Variants in CNKSR3 observed in about 807,000 individuals in gnomAD.
CNKSR3 encodes the protein CNKSR family member 3.
CNKSR3 carries 36 observed loss-of-function variants against 67.7 expected under a neutral mutation model. The ratio of observed to expected loss-of-function variants is 0.53; its 90% CI spans 0.41 to 0.70. The LOEUF (loss-of-function observed/expected upper bound fraction) is 0.70. Among genes scored for constraint, CNKSR3 ranks in the 30% least tolerant of loss-of-function variants. The probability of loss-of-function intolerance (pLI) is 0.00; values close to 1 mark genes in which losing one functional copy is unlikely to be tolerated. For missense variants in CNKSR3, 630 were observed against 695.2 expected (o/e 0.91, Z 1.05); for synonymous variants, 281 against 271.4 (o/e 1.04, Z -0.35).
At position 154,414,385 on chromosome 6, in the gene CNKSR3, G is replaced by A; in HGVS notation, c.984C>T (p.Ser328=). The A allele has an allele frequency of 6.2e-7, 1 of 1,608,470 alleles. No individual in the cohort carries two copies. Among genetic ancestry groups the A allele is most frequent in the Non-Finnish European group, 8.5e-7 (1 of 1,178,344 alleles). The change falls in exon 10 of 13, where the codon AGC becomes AGT. Residue 328 remains serine (S), a synonymous_variant. Coordinates refer to ENST00000607772, the MANE Select transcript of CNKSR3 (RefSeq NM_173515.4). ...CCTTCTTCAGTGAGGTATCCATAGT[G>A]CTTTCAGGGGACTGGGTTGTCGCGG... The part of the protein sequence containing the change: ...PPPATTQSPE[S]TMDTSLKKEK...
At chr6:154,449,054 C>T (rs1785768098) in intron 2 of CNKSR3, among the ~76,000 whole-genome samples, 1 of 152,190 alleles carries the variant, frequency 6.6e-6, no homozygotes, top group Non-Finnish European at 1.5e-5. Flanking sequence ...AATGTCCTTA[C>T]AGGTGTTTTT....
At chr6:154,501,674 G>A (rs959358810) in intron 1 of CNKSR3, among the ~76,000 whole-genome samples, 1 of 152,010 alleles carries the variant, frequency 6.6e-6, no homozygotes, top group African/African-American at 2.4e-5. Context: ...TCATCCAAAG[G>A]AGTCCCCCAC....
Position 154,406,100 on chromosome 6 carries a change from C to G in CNKSR3, c.*254G>C. On this transcript the variant is annotated 3_prime_UTR_variant, in exon 13 of 13. Transcript: ENST00000607772. ...TAGCGCGTGTCTTCACATTCTATCT[C>G]TGGGGAAGCAAGACAAACAGGCTCT... 2.1e-6 allele frequency: 1 copy of G among 480,256 alleles called. No homozygotes were observed. The highest frequency in any genetic ancestry group is 3.6e-5 in the East Asian group (1 of 27,570). The allele number at this position is 480,256 out of a possible 1,614,324, so 29.7% of individuals were successfully genotyped here.
chr6:154,437,635 C>T (rs554733593), intron 4 of CNKSR3, among the ~76,000 whole-genome samples: 44 of 152,026 alleles, frequency 2.9e-4, no homozygotes, highest in African/African-American at 9.9e-4. Context: ...AGACTAGTCT[C>T]GAACTCCTGA....
At chr6:154,486,700 G>T (rs1186779172) in intron 1 of CNKSR3, among the ~76,000 whole-genome samples, 1 of 151,012 alleles carries the variant, frequency 6.6e-6, no homozygotes, top group East Asian at 2.0e-4. Flanking sequence ...CACTATGTTG[G>T]CCAGACTGGT....
intron 2 of CNKSR3, among the ~76,000 whole-genome samples, chr6:154,447,074 G>C (rs1785722433): frequency 6.6e-6 from 1 of 152,206 alleles, no homozygotes; most frequent in Admixed American, 6.5e-5. Flanking sequence ...AAAGTGCTGA[G>C]ATTACAGGCG....
At chr6:154,446,795 T>G (rs951324885) in intron 2 of CNKSR3, among the ~76,000 whole-genome samples, 1 of 148,120 alleles carries the variant, frequency 6.8e-6, no homozygotes, top group Non-Finnish European at 1.5e-5. Flanking sequence ...GTTACAGTCA[T>G]ACTTATCTTT....
rs957772272 is a variant in CNKSR3, at chr6:154,396,251, T to C, written c.*10103A>G. 3 of 152,184 alleles carry C rather than the reference T, an allele frequency of 2.0e-5. No individual in the cohort carries two copies. Among genetic ancestry groups the C allele is most frequent in the Non-Finnish European group, 4.4e-5 (3 of 68,028 alleles). The allele number at this position is 152,184 out of a possible 1,614,324, so 9.4% of individuals were successfully genotyped here. ...CGGAAAGTGCTTACATTCTCAGCAG[T>C]TCCTGTAATCCTGTAACCAAAGAAG... is the stretch of plus-strand genomic sequence containing the variant. On this transcript the variant is annotated 3_prime_UTR_variant, in exon 13 of 13. Coordinates refer to ENST00000607772, the MANE Select transcript of CNKSR3 (RefSeq NM_173515.4).
chr6:154,441,313 GT>G lies in CNKSR3; in HGVS notation c.485del (p.Asp162AlafsTer2). ...TKNKIIQLCL[D>X]LTTTVQKDCF... ...TGACCTTCTGGACTGTAGTGGTCAG[GT>G]CCAAGCAAAGCTGGATAATTTTGTT... is the stretch of plus-strand genomic sequence containing the variant. On this transcript the variant is annotated frameshift_variant, in exon 4 of 13. Coordinates refer to ENST00000607772, the MANE Select transcript of CNKSR3 (RefSeq NM_173515.4). LOFTEE classifies it high-confidence loss of function. 6.2e-7 allele frequency: 1 copy of G among 1,612,356 alleles called. No homozygotes were observed. The highest frequency in any genetic ancestry group is 8.5e-7 in the Non-Finnish European group (1 of 1,179,032).
chr6:154,467,441 T>C (rs1443074688), intron 1 of CNKSR3, among the ~76,000 whole-genome samples: 1 of 152,186 alleles, frequency 6.6e-6, no homozygotes, highest in Non-Finnish European at 1.5e-5. Context: ...TCAGGGGTTC[T>C]CACTATACAC....
At chr6:154,410,071 G>C (rs1784876356) in intron 12 of CNKSR3, among the ~76,000 whole-genome samples, 1 of 152,040 alleles carries the variant, frequency 6.6e-6, no homozygotes, top group South Asian at 2.1e-4. Flanking sequence ...ATAAAAATTA[G>C]ACCATTAAAG....
intron 1 of CNKSR3, among the ~76,000 whole-genome samples, chr6:154,481,973 C>A (rs1483353412): frequency 6.6e-6 from 1 of 152,202 alleles, no homozygotes; most frequent in Non-Finnish European, 1.5e-5. Context: ...ATGACATCAT[C>A]AGCCCATGAA....
chr6:154,430,669 C>T, intron 5 of CNKSR3, 78 bp from the exon 6 acceptor site: 4 of 1,359,206 alleles, frequency 2.9e-6, no homozygotes, highest in Non-Finnish European at 4.1e-6. Context: ...TAGAGAAATG[C>T]ATTTCACCTA....
rs542942542 is a variant in CNKSR3 at position 154,410,438 on chromosome 6, G to C, written c.1280-6C>G. On this transcript the variant is annotated splice_region_variant and splice_polypyrimidine_tract_variant and intron_variant, in intron 11 of 12. Transcript: ENST00000607772. ...GGACAAAGGCCGTGGCTTGCCTTCA[G>C]AGGGACGAGAAAGAAGGTGACAAGT... 6.8e-6 allele frequency: 11 copies of C among 1,607,670 alleles called. No homozygotes were observed. In the South Asian group the frequency reaches 1.2e-4, roughly 18 times the overall value.
Position 154,442,200 on chromosome 6 carries a change from G to A in CNKSR3, c.307C>T (p.Arg103Trp), listed in dbSNP as rs758339881. The A allele has an allele frequency of 2.3e-5, 37 of 1,614,020 alleles. No homozygotes were observed. Among genetic ancestry groups the A allele is most frequent in the Non-Finnish European group, 2.8e-5 (33 of 1,180,010 alleles). The change falls in exon 3 of 13, where the codon CGG becomes TGG. Residue 103 changes from arginine (R) to tryptophan (W), a missense_variant. Arg to Trp is a moderately radical substitution (Grantham distance 101). This residue lies in a region of CNKSR3 where 189 missense variants were observed against 205.0 expected (regional missense o/e 0.92). Coordinates refer to ENST00000607772, the MANE Select transcript of CNKSR3 (RefSeq NM_173515.4). ...TTGCCATCGTAAGCGGGACTTTTCC[G>A]TCGGCTACTTATGTAATTCTGTAAA... ...HNLQNYISSR[R>W]KSPAYDGNTS...
rs1784630217 is a variant in CNKSR3 at position 154,393,586 on chromosome 6, T to C, written c.*12768A>G. The C allele has an allele frequency of 6.6e-6, 1 of 152,258 alleles. No individual in the cohort carries two copies. The highest frequency in any genetic ancestry group is 6.5e-5 in the Admixed American group (1 of 15,290). 9.4% of individuals were successfully genotyped at this position (152,258 alleles called of 1,614,324 possible). On this transcript the variant is annotated 3_prime_UTR_variant, in exon 13 of 13. Coordinates refer to ENST00000607772, the MANE Select transcript of CNKSR3 (RefSeq NM_173515.4). ...TGCTAACCCTTAGGACTTTTTAATC[T>C]TCTCCCAATTTGTAACTTTTTAAAA...
intron 1 of CNKSR3, among the ~76,000 whole-genome samples, chr6:154,491,225 C>T (rs1484433998): frequency 6.6e-6 from 1 of 152,164 alleles, no homozygotes; most frequent in Non-Finnish European, 1.5e-5. Context: ...AGATACTCCT[C>T]CCTCTGCACT....
At chr6:154,487,747 C>T (rs900090133) in intron 1 of CNKSR3, among the ~76,000 whole-genome samples, 1 of 152,216 alleles carries the variant, frequency 6.6e-6, no homozygotes, top group African/African-American at 2.4e-5. Flanking sequence ...CCAAAACAGA[C>T]GCGCTGAAGC....
At chr6:154,467,122 T>A (rs751198667) in intron 1 of CNKSR3, among the ~76,000 whole-genome samples, 3 of 152,018 alleles carry the variant, frequency 2.0e-5, no homozygotes, top group Non-Finnish European at 4.4e-5. Context: ...CCAAGAGCAG[T>A]CTTTAAGTAA....
Sources: allele counts gnomAD v4.1 joint callset (sites outside exome capture counted in the v4.1 genomes callset), GRCh38; gene constraint gnomAD v4.1.1; regional missense constraint gnomAD v4.1.1; transcripts MANE v1.5; gene names NCBI Gene and HGNC (gene_info 2026-07-23, HGNC 2026-07-21).